The following CASP10 variants were observed in gnomAD, a reference collection of about 807,000 sequenced individuals.
CASP10 encodes the protein caspase 10, also known as caspase-10.
In CASP10, 41 loss-of-function variants were observed where a neutral mutation model predicts 48.5. That is an observed-to-expected ratio of 0.85 (90% CI 0.66 to 1.10). The LOEUF is 1.10. Ranked by LOEUF, CASP10 falls within the 50% of genes least tolerant of loss-of-function variation. CASP10 has a pLI of 0.00. For missense variants in CASP10, 614 were observed against 614.5 expected (o/e 1.00, Z 0.01); for synonymous variants, 232 against 238.4 (o/e 0.97, Z 0.25).
intron 5 of CASP10, among the ~76,000 whole-genome samples, chr2:201,198,956 G>A (rs1251130047): frequency 2.0e-5 from 3 of 152,140 alleles, no homozygotes; most frequent in African/African-American, 4.8e-5. Context: ...AAAGTTGCAA[G>A]AATGTGAATA....
At chr2:201,185,354 C>A (rs953700202) in intron 1 of CASP10, among the ~76,000 whole-genome samples, 4 of 152,146 alleles carry the variant, frequency 2.6e-5, no homozygotes, top group Non-Finnish European at 4.4e-5. Flanking sequence ...CCTGCCTCCC[C>A]CAGATTGCTT....
rs1427601072 is a variant in CASP10, at chr2:201,221,604, T to TCCC, written c.*3863_*3864insCCC. 1.3e-5 allele frequency: 2 copies of TCCC among 152,174 alleles called. No homozygotes were observed. Among genetic ancestry groups the TCCC allele is most frequent in the Admixed American group, 1.3e-4 (2 of 15,268 alleles). The allele number at this position is 152,174 out of a possible 1,614,324, so 9.4% of individuals were successfully genotyped here. On this transcript the variant is annotated 3_prime_UTR_variant, in exon 10 of 10. Transcript: ENST00000286186. Reference sequence around the variant, plus strand: ...CCCACCCCTATCTCCCTTCACTGACTTTCTTTTCGGACTCAGCCCACCTGC... The same window carrying TCCC: ...CCCACCCCTATCTCCCTTCACTGACTCCCTTCTTTTCGGACTCAGCCCACCTGC...
chr2:201,185,978 A>G lies in CASP10; in HGVS notation c.201A>G (p.Ala67=). 1 of 1,613,992 alleles carries G rather than the reference A, an allele frequency of 6.2e-7. No individual in the cohort carries two copies. The highest frequency in any genetic ancestry group is 1.3e-5 in the African/African-American group (1 of 75,034). The change falls in exon 2 of 10, where the codon GCA becomes GCG. Residue 67 remains alanine, a synonymous_variant. Coordinates refer to ENST00000286186, the MANE Select transcript of CASP10 (RefSeq NM_032977.4). ...SASDVFEHLL[A]EDLLSEEDPF... ...CAGATGTTTTTGAACATCTCTTGGC[A>G]GAGGATCTGCTGAGTGAGGAAGACC...
intron 5 of CASP10, chr2:201,200,680 A>T (rs1944987648): frequency 7.3e-7 from 1 of 1,378,354 alleles, no homozygotes; most frequent in Non-Finnish European, 9.4e-7. Context: ...TTTGTAAGTG[A>T]TCTTAAGAGA....
chr2:201,227,290 G>C (rs949645298), intron 9 of CASP10, among the ~76,000 whole-genome samples: 1 of 152,146 alleles, frequency 6.6e-6, no homozygotes, highest in African/African-American at 2.4e-5. Context: ...TTGCAGGGAA[G>C]CTTTGCCCTC....
intron 9 of CASP10, among the ~76,000 whole-genome samples, chr2:201,216,445 G>A (rs1233370980): frequency 6.6e-6 from 1 of 152,088 alleles, no homozygotes; most frequent in Non-Finnish European, 1.5e-5. Flanking sequence ...TTTCTTGGTG[G>A]AGGTAATATT....
At position 201,216,042 on chromosome 2, in the gene CASP10, C is replaced by T. The variant is rs527880554; in HGVS notation, c.1416-1546C>T. Among the ~76,000 whole-genome samples the T allele has an allele frequency of 4.1e-4, 62 of 152,054 alleles. 1 individual carries two copies. Among genetic ancestry groups the T allele is most frequent in the African/African-American group, 1.3e-3 (54 of 41,508 alleles). On this transcript the variant is annotated intron_variant, in intron 9 of 9. Coordinates refer to ENST00000286186, the MANE Select transcript of CASP10 (RefSeq NM_032977.4). ...AGATTATTCTTCTAACCCATGAACACGAGATATCTTTCCATTTATTTGTGT... is the reference window on the plus strand; with the variant it reads ...AGATTATTCTTCTAACCCATGAACATGAGATATCTTTCCATTTATTTGTGT...
intron 3 of CASP10, among the ~76,000 whole-genome samples, chr2:201,192,517 G>T (rs1222296039): frequency 6.6e-6 from 1 of 151,680 alleles, no homozygotes; most frequent in African/African-American, 2.4e-5. Context: ...TCATTTCTTT[G>T]GTGTCCCTCT....
At chr2:201,186,283 T>C (rs1002243566) in intron 2 of CASP10, 159 bp downstream of exon 2, 3 of 656,150 alleles carry the variant, frequency 4.6e-6, no homozygotes, top group Middle Eastern at 4.1e-4. Flanking sequence ...CCTCTGATGC[T>C]AATGAGATAA....
At chr2:201,194,365 T>C (rs1276798544) in intron 4 of CASP10, among the ~76,000 whole-genome samples, 4 of 152,314 alleles carry the variant, frequency 2.6e-5, no homozygotes, top group Non-Finnish European at 4.4e-5. Context: ...AATTTCTTGG[T>C]TGAAAATGAA....
rs775755140 is a variant in CASP10 at position 201,195,913 on chromosome 2, C to G, written c.649C>G (p.Gln217Glu). ...TCAAGGAGAGGAAGAACTAGTTTCC[C>G]AAACAGATGTTAAGACATTCTTGGA... ...SYQGEEELVSQTDVKTFLEAL... is the reference protein window; with the variant it reads ...SYQGEEELVSETDVKTFLEAL... The change falls in exon 5 of 10, where the codon CAA (glutamine) becomes GAA (glutamate). Residue 217 changes from glutamine to glutamate, a missense_variant. By Grantham distance (29) the Gln-to-Glu change is conservative. Coordinates refer to ENST00000286186, the MANE Select transcript of CASP10 (RefSeq NM_032977.4). The G allele has an allele frequency of 1.2e-6, 2 of 1,613,926 alleles. No homozygotes were observed. Among genetic ancestry groups the G allele is most frequent in the South Asian group, 2.2e-5 (2 of 91,070 alleles).
intron 9 of CASP10, chr2:201,212,674 T>C (rs2126053772): frequency 6.6e-6 from 1 of 152,092 alleles, no homozygotes; most frequent in South Asian, 2.1e-4. Context: ...TGATAAAGAG[T>C]TGGAAAATGT....
At position 201,217,877 on chromosome 2, in the gene CASP10, A is replaced by T; in HGVS notation, c.*136A>T. 2 of 1,575,970 alleles carry T rather than the reference A, an allele frequency of 1.3e-6. No individual in the cohort carries two copies. The highest frequency in any genetic ancestry group is 1.7e-6 in the Non-Finnish European group (2 of 1,164,782). ...AACACCGTGTTTTCTGACACAGTCA[A>T]TTCTGATTTTCTTTTTCTTTTGCAA... On this transcript the variant is annotated 3_prime_UTR_variant, in exon 10 of 10. Coordinates refer to ENST00000286186, the MANE Select transcript of CASP10 (RefSeq NM_032977.4).
intron 3 of CASP10, among the ~76,000 whole-genome samples, chr2:201,192,313 G>A (rs992909519): frequency 1.4e-4 from 21 of 152,092 alleles, no homozygotes; most frequent in African/African-American, 4.8e-4. Context: ...AGAATGGCTT[G>A]AATGGAGGTG....
downstream of CASP10, among the ~76,000 whole-genome samples, chr2:201,225,554 G>C (rs1231627990): frequency 6.6e-6 from 1 of 152,226 alleles, no homozygotes; most frequent in Non-Finnish European, 1.5e-5. Flanking sequence ...TAAAAGGTTA[G>C]AGATATTTCC....
At chr2:201,200,480 G>A (rs748656252) in intron 5 of CASP10, 2 of 1,598,340 alleles carry the variant, frequency 1.3e-6, no homozygotes, top group Non-Finnish European at 1.7e-6. Context: ...GGAGACCGTG[G>A]AAACTCGCCA....
chr2:201,204,724 T>C (rs1245961631), intron 6 of CASP10, among the ~76,000 whole-genome samples: 1 of 152,212 alleles, frequency 6.6e-6, no homozygotes, highest in Non-Finnish European at 1.5e-5. Context: ...CCAGTGTCTA[T>C]TTATGTGAGC....
Position 201,187,691 on chromosome 2 carries a change from G to T in CASP10, c.348-15G>T. ...AGTGTAAGGCTTTATTTGTCATTTT[G>T]GGTGTGTGTCTTAGAAACCTGCTCT... On this transcript the variant is annotated splice_polypyrimidine_tract_variant and intron_variant, in intron 2 of 9. Transcript: ENST00000286186. 6.3e-7 allele frequency: 1 copy of T among 1,590,562 alleles called. No individual in the cohort carries two copies. Among genetic ancestry groups the T allele is most frequent in the African/African-American group, 1.3e-5 (1 of 74,528 alleles).
intron 7 of CASP10, chr2:201,206,232 C>A (rs901271704): frequency 3.1e-6 from 1 of 324,518 alleles, no homozygotes. Flanking sequence ...GTCATGCATA[C>A]CCTTTGGGTT....
Sources: allele counts gnomAD v4.1 joint callset (sites outside exome capture counted in the v4.1 genomes callset), GRCh38; gene constraint gnomAD v4.1.1; transcripts MANE v1.5; gene names NCBI Gene and HGNC (gene_info 2026-07-23, HGNC 2026-07-21).